Variants in PCDH9 observed in about 807,000 individuals in gnomAD.
PCDH9 encodes the protein protocadherin 9, also known as protocadherin-9.
A neutral mutation model predicts 70.6 loss-of-function variants in PCDH9; 24 were observed. That is an observed-to-expected ratio of 0.34 (90% confidence interval 0.25 to 0.48). PCDH9 has a LOEUF of 0.48. Ranked by LOEUF, PCDH9 falls within the 20% of genes least tolerant of loss-of-function variation. The pLI, the probability that PCDH9 is intolerant of heterozygous loss-of-function variation, is 0.99. For synonymous variants in PCDH9, 562 were observed against 558.5 expected (o/e 1.01, Z -0.09); for missense variants, 1,281 against 1,503.6 (o/e 0.85, Z 2.45).
At chr13:66,824,711 T>TATATACACACACAC (rs1381610918) in intron 3 of PCDH9, among the ~76,000 whole-genome samples, 3 of 141,486 alleles carry the variant, frequency 2.1e-5, no homozygotes, top group Admixed American at 7.1e-5. Flanking sequence ...CACACACATA[T>TATATACACACACAC]ATATATACAC....
chr13:66,910,968 T>A (rs966720664), intron 2 of PCDH9, among the ~76,000 whole-genome samples: 1 of 152,138 alleles, frequency 6.6e-6, no homozygotes, highest in African/African-American at 2.4e-5. Context: ...AATGCAGAAA[T>A]AAAGGAGACA....
At chr13:67,071,429 G>T (rs375338109) in intron 2 of PCDH9, among the ~76,000 whole-genome samples, 1 of 152,024 alleles carries the variant, frequency 6.6e-6, no homozygotes, top group East Asian at 1.9e-4. Context: ...CCTTGGTAGG[G>T]ATATAAATTT....
At chr13:66,878,442 G>C (rs981875743) in intron 3 of PCDH9, among the ~76,000 whole-genome samples, 6 of 152,096 alleles carry the variant, frequency 3.9e-5, no homozygotes, top group Non-Finnish European at 8.8e-5. Context: ...GGCCAGGCTA[G>C]TCTGGAACTC....
chr13:66,405,971 G>C (rs1001711618), intron 4 of PCDH9, among the ~76,000 whole-genome samples: 5 of 152,148 alleles, frequency 3.3e-5, no homozygotes, highest in Non-Finnish European at 7.3e-5. Flanking sequence ...AGGAGGTGAT[G>C]CTAGAGAGAG....
At chr13:66,372,890 T>C (rs920953114) in intron 4 of PCDH9, among the ~76,000 whole-genome samples, 1 of 151,974 alleles carries the variant, frequency 6.6e-6, no homozygotes, top group African/African-American at 2.4e-5. Flanking sequence ...TGGCTGGCTC[T>C]AGTGTTAGGG....
rs537315354 is a variant in PCDH9, at chr13:67,084,393, CT to C, written c.3036+141011del. Among the ~76,000 whole-genome samples the C allele has an allele frequency of 9.9e-5, 15 of 152,248 alleles. No individual in the cohort carries two copies. In the South Asian group the frequency reaches 3.1e-3, roughly 32 times the overall value. ...GCTGATCCCAAATTGTTAAATAAAG[CT>C]TTTCTTCCTTAACCAACTGCAAATC... On this transcript the variant is annotated intron_variant, in intron 2 of 4. Coordinates refer to ENST00000377865, the MANE Select transcript of PCDH9 (RefSeq NM_203487.3).
intron 3 of PCDH9, among the ~76,000 whole-genome samples, chr13:66,715,130 C>T (rs1353002449): frequency 6.6e-6 from 1 of 152,154 alleles, no homozygotes; most frequent in African/African-American, 2.4e-5. Flanking sequence ...TAGCACATTT[C>T]ATCCCAAATC....
At chr13:66,331,660 C>T (rs962652330) in intron 4 of PCDH9, among the ~76,000 whole-genome samples, 3 of 152,056 alleles carry the variant, frequency 2.0e-5, no homozygotes, top group African/African-American at 7.2e-5. Context: ...TTTATTGATC[C>T]TCTGGTTGTT....
At chr13:66,918,567 T>G (rs528997046) in intron 2 of PCDH9, among the ~76,000 whole-genome samples, 1 of 151,388 alleles carries the variant, frequency 6.6e-6, no homozygotes, top group Non-Finnish European at 1.5e-5. Flanking sequence ...TATCTTAATT[T>G]ACCATTTTAA....
chr13:66,885,958 T>A (rs2081998264), intron 3 of PCDH9: 1 of 152,166 alleles, frequency 6.6e-6, no homozygotes, highest in African/African-American at 2.4e-5. Flanking sequence ...CCCCATAGGA[T>A]CCTCTGGTAT....
chr13:66,483,637 G>A (rs1958882127), intron 4 of PCDH9, among the ~76,000 whole-genome samples: 1 of 152,208 alleles, frequency 6.6e-6, no homozygotes, highest in Non-Finnish European at 1.5e-5. Context: ...TGGCAGCACG[G>A]TGTTATTGAT....
At chr13:66,410,861 AC>A (rs1386753104) in intron 4 of PCDH9, among the ~76,000 whole-genome samples, 4 of 152,312 alleles carry the variant, frequency 2.6e-5, no homozygotes, top group Middle Eastern at 3.4e-3. Flanking sequence ...TATCTCTGTT[AC>A]CAAAAAATCT....
At chr13:66,539,419 T>C (rs1011664045) in intron 4 of PCDH9, among the ~76,000 whole-genome samples, 1 of 152,162 alleles carries the variant, frequency 6.6e-6, no homozygotes, top group Non-Finnish European at 1.5e-5. Flanking sequence ...CTCATGATAG[T>C]GAGTTCTCAT....
At chr13:66,505,397 C>T (rs1283294730) in intron 4 of PCDH9, among the ~76,000 whole-genome samples, 1 of 151,684 alleles carries the variant, frequency 6.6e-6, no homozygotes, top group Non-Finnish European at 1.5e-5. Context: ...ACTCATGAGA[C>T]TTATTCACTA....
chr13:66,700,825 T>C (rs2078628460), intron 3 of PCDH9, among the ~76,000 whole-genome samples: 1 of 150,410 alleles, frequency 6.6e-6, no homozygotes, highest in South Asian at 2.1e-4. Flanking sequence ...ATAATTCTCA[T>C]ACATCTAGAA....
chr13:66,574,639 T>G (rs1249769035), intron 4 of PCDH9, among the ~76,000 whole-genome samples: 1 of 152,192 alleles, frequency 6.6e-6, no homozygotes, highest in Admixed American at 6.5e-5. Context: ...ATATCTGTCC[T>G]CAGAAATAAT....
chr13:66,700,251 C>CT (rs1350157629), intron 3 of PCDH9, among the ~76,000 whole-genome samples: 2 of 152,148 alleles, frequency 1.3e-5, no homozygotes, highest in African/African-American at 4.8e-5. Flanking sequence ...GTAAATCAAT[C>CT]TAGTCTGCTC....
rs112192424 is a variant in PCDH9, at chr13:66,762,598, C to G, written c.3139-131187G>C. On this transcript the variant is annotated intron_variant, in intron 3 of 4. Coordinates refer to ENST00000377865, the MANE Select transcript of PCDH9 (RefSeq NM_203487.3). ...CCTGTCATTATGCAACAACGAGGCACTGTAATCTCCCAGCTGGTTTCCTTA... is the reference window on the plus strand; with the variant it reads ...CCTGTCATTATGCAACAACGAGGCAGTGTAATCTCCCAGCTGGTTTCCTTA... Among the ~76,000 whole-genome samples, 15 of 152,082 alleles carry G rather than the reference C, an allele frequency of 9.9e-5. No homozygotes were observed. The South Asian group carries it at 2.9e-3, about 29-fold the overall frequency.
chr13:66,454,169 A>T (rs1048173066), intron 4 of PCDH9, among the ~76,000 whole-genome samples: 1 of 152,082 alleles, frequency 6.6e-6, no homozygotes, highest in African/African-American at 2.4e-5. Context: ...TTTTAAAAAA[A>T]GCATTTTCTT....
Sources: allele counts gnomAD v4.1 joint callset (sites outside exome capture counted in the v4.1 genomes callset), GRCh38; gene constraint gnomAD v4.1.1; transcripts MANE v1.5; gene names NCBI Gene and HGNC (gene_info 2026-07-23, HGNC 2026-07-21).